Variants in LRRC53 observed in about 807,000 individuals in gnomAD.
LRRC53 encodes leucine-rich repeat-containing protein 53.
LRRC53 carries 25 observed loss-of-function variants against 13.6 expected under a neutral mutation model. The ratio of observed to expected loss-of-function variants is 1.83; its 90% CI spans 1.34 to 2.56. The LOEUF (loss-of-function observed/expected upper bound fraction) is 2.56, where lower values mean the gene tolerates loss of function less well. Ranked by LOEUF, LRRC53 falls within the 30% of genes most tolerant of loss-of-function variation. The pLI is 0.00. For missense variants in LRRC53, 527 were observed against 275.8 expected, an observed-to-expected ratio of 1.91 and a Z score of -6.45; for synonymous variants, 204 against 109.8, an observed-to-expected ratio of 1.86 and a Z score of -5.37.
intron 1 of LRRC53, among the ~76,000 whole-genome samples, chr1:74,489,590 A>G (rs1668945791): frequency 6.6e-6 from 1 of 152,244 alleles, no homozygotes; most frequent in Admixed American, 6.5e-5. Context: ...AATTCTTCAT[A>G]CAGAGATTTG....
chr1:74,489,498 TC>T (rs1462100333), intron 1 of LRRC53, among the ~76,000 whole-genome samples: 1 of 152,204 alleles, frequency 6.6e-6, no homozygotes, highest in Non-Finnish European at 1.5e-5. Context: ...ACAGTCATGC[TC>T]AGCTTAAAAA....
intron 1 of LRRC53, 136 bp from the exon 2 acceptor site, chr1:74,483,511 G>C: frequency 1.9e-6 from 1 of 514,182 alleles, no homozygotes; most frequent in Non-Finnish European, 3.5e-6. Context: ...TAAGATGCCA[G>C]GTAAATAACT....
chr1:74,475,236 G>T, intron 4 of LRRC53, 59 bp downstream of exon 4: 1 of 611,290 alleles, frequency 1.6e-6, no homozygotes, highest in Non-Finnish European at 3.0e-6. Context: ...AAGGAGGGAG[G>T]CTCCCTCCTT....
chr1:74,502,675 A>G (rs573708680), intron 1 of LRRC53, among the ~76,000 whole-genome samples: 1 of 152,324 alleles, frequency 6.6e-6, no homozygotes, highest in Admixed American at 6.5e-5. Flanking sequence ...TCTATGGCCA[A>G]TAGCCTTTGA....
At chr1:74,514,700 A>G (rs1353594325), upstream of LRRC53, among the ~76,000 whole-genome samples, 11 of 152,162 alleles carry the variant, frequency 7.2e-5, no homozygotes, top group African/African-American at 2.7e-4. Context: ...TGCTCTTTTT[A>G]GGACACCATA....
chr1:74,472,854 T>C (rs1468886121), intron 4 of LRRC53, among the ~76,000 whole-genome samples: 1 of 152,130 alleles, frequency 6.6e-6, no homozygotes, highest in African/African-American at 2.4e-5. Flanking sequence ...TTTAATCTTA[T>C]TAATCTTATA....
At chr1:74,529,322 C>T in the LRRC53 span, among the ~76,000 whole-genome samples, 1 of 152,142 alleles carries the variant, frequency 6.6e-6, no homozygotes, top group Admixed American at 6.5e-5. Context: ...TGATACTGCC[C>T]TCCAAAGATG....
rs1334487596 is a variant in LRRC53, at chr1:74,470,494, A to G, written c.3128T>C (p.Val1043Ala). 2.5e-6 allele frequency: 1 copy of G among 400,696 alleles called. No individual in the cohort carries two copies. Among genetic ancestry groups the G allele is most frequent in the Non-Finnish European group, 4.4e-6 (1 of 226,210 alleles). The allele number at this position is 400,696 out of a possible 1,614,324, so 24.8% of individuals were successfully genotyped here. Reference protein sequence around the residue: ...ELPKDISTSPVSSQAVWHLTN... With the variant: ...ELPKDISTSPASSQAVWHLTN... Reference sequence around the variant, plus strand: ...TAGGTGCCAAACGGCTTGACTACTAACAGGAGAAGTACTGATATCCTTGGG... The same window carrying G: ...TAGGTGCCAAACGGCTTGACTACTAGCAGGAGAAGTACTGATATCCTTGGG... Residue 1043 changes from valine (V) to alanine (A), a missense_variant, in exon 5 of 5, where the codon GTT becomes GCT. By Grantham distance (64) the Val-to-Ala change is moderately conservative. Transcript: ENST00000294635.
At chr1:74,476,577 T>G (rs908752941) in intron 3 of LRRC53, among the ~76,000 whole-genome samples, 2 of 152,166 alleles carry the variant, frequency 1.3e-5, no homozygotes, top group African/African-American at 4.8e-5. Context: ...ATTTATTAAA[T>G]ATTCTTAAAT....
intron 3 of LRRC53, among the ~76,000 whole-genome samples, chr1:74,477,104 G>T (rs1442973156): frequency 6.6e-6 from 1 of 152,018 alleles, no homozygotes; most frequent in Admixed American, 6.6e-5. Flanking sequence ...TCCTTTTATT[G>T]ACAGATAGAT....
chr1:74,471,340 T>C lies in LRRC53; in HGVS notation c.2282A>G (p.Lys761Arg), dbSNP rs1667923759. The change falls in exon 5 of 5, where the codon AAA (lysine) becomes AGA (arginine). Residue 761 changes from lysine (K) to arginine (R), a missense_variant. Transcript: ENST00000294635. ...KLSKTSETEA[K>R]INTVCSADFL... ...ATCTGCAGAACACACAGTATTTATT[T>C]TGGCTTCTGTCTCAGAAGTTTTGGA... is the stretch of plus-strand genomic sequence containing the variant. The C allele has an allele frequency of 2.5e-6, 1 of 400,716 alleles. No individual in the cohort carries two copies. The highest frequency in any genetic ancestry group is 4.4e-6 in the Non-Finnish European group (1 of 226,178). The allele number at this position is 400,716 out of a possible 1,614,324, so 24.8% of individuals were successfully genotyped here. A position where few individuals can be genotyped will look rare whatever the true frequency, so the allele number is the denominator to read the frequency against.
In LRRC53 at chr1:74,500,327, C is replaced by A. The variant is rs541297038; in HGVS notation, c.-27+12199G>T. ...TTCTTCTAGTATCATTTTTCTTTTC[C>A]ATAAATGCACCTTTAAAAATTATTT... On this transcript the variant is annotated intron_variant, in intron 1 of 4. Coordinates refer to ENST00000294635, the MANE Select transcript of LRRC53 (RefSeq NM_001382280.1). 4.0e-5 allele frequency among the ~76,000 whole-genome samples: 6 copies of A among 151,724 alleles called. No homozygotes were observed. The East Asian group carries it at 7.7e-4, about 20-fold the overall frequency.
At chr1:74,535,861 T>C in the LRRC53 span, among the ~76,000 whole-genome samples, 1 of 152,120 alleles carries the variant, frequency 6.6e-6, no homozygotes, top group East Asian at 1.9e-4. Flanking sequence ...CCCTTCTTAC[T>C]TACAAAGCAG....
At chr1:74,502,660 C>G (rs1254331266) in intron 1 of LRRC53, among the ~76,000 whole-genome samples, 1 of 152,186 alleles carries the variant, frequency 6.6e-6, no homozygotes, top group Non-Finnish European at 1.5e-5. Flanking sequence ...ACATACTTCC[C>G]TCTGTCTATG....
intron 1 of LRRC53, among the ~76,000 whole-genome samples, chr1:74,505,248 C>A (rs1374367721): frequency 6.6e-6 from 1 of 152,196 alleles, no homozygotes; most frequent in East Asian, 1.9e-4. Context: ...TCTGACAGGA[C>A]AAGCACAGGG....
intron 1 of LRRC53, among the ~76,000 whole-genome samples, chr1:74,499,394 G>A (rs1669494185): frequency 6.6e-6 from 1 of 152,230 alleles, no homozygotes; most frequent in Admixed American, 6.5e-5. Context: ...GCTTCCTAAA[G>A]TGCTGAGATT....
In LRRC53 at chr1:74,471,255, C is replaced by T. The variant is rs1350654881; in HGVS notation, c.2367G>A (p.Leu789=). 1 of 400,672 alleles carries T rather than the reference C, an allele frequency of 2.5e-6. No homozygotes were observed. Among genetic ancestry groups the T allele is most frequent in the Non-Finnish European group, 4.4e-6 (1 of 226,182 alleles). The allele number at this position is 400,672 out of a possible 1,614,324, so 24.8% of individuals were successfully genotyped here. The change falls in exon 5 of 5, where the codon CTG becomes CTA. Residue 789 remains leucine, a synonymous_variant. Coordinates refer to ENST00000294635, the MANE Select transcript of LRRC53 (RefSeq NM_001382280.1). ...ATGGGGTCTGCTTTGAGTCATGTTTCAGAGGCAGCCTCTTTGAAGTGAGTC... is the reference window on the plus strand; with the variant it reads ...ATGGGGTCTGCTTTGAGTCATGTTTTAGAGGCAGCCTCTTTGAAGTGAGTC... ...YVRLTSKRLP[L]KHDSKQTPYY...
intron 1 of LRRC53, among the ~76,000 whole-genome samples, chr1:74,496,771 T>C (rs1374817150): frequency 6.6e-6 from 1 of 152,192 alleles, no homozygotes; most frequent in African/African-American, 2.4e-5. Flanking sequence ...TAAAATATTT[T>C]GTGCCTCTAG....
Position 74,480,989 on chromosome 1 carries a change from AC to A in LRRC53, c.89-22del, listed in dbSNP as rs1306919692. The A allele has an allele frequency of 7.2e-6, 5 of 693,932 alleles. No individual in the cohort carries two copies. In the East Asian group the frequency reaches 1.3e-4, roughly 19 times the overall value. The allele number at this position is 693,932 out of a possible 1,614,324, so 43.0% of individuals were successfully genotyped here. A position where few individuals can be genotyped will look rare whatever the true frequency, so the allele number is the denominator to read the frequency against. On this transcript the variant is annotated intron_variant, in intron 2 of 4. Coordinates refer to ENST00000294635, the MANE Select transcript of LRRC53 (RefSeq NM_001382280.1). ...GGCTGCTGTGGGGAAAAAAGCACAGACTAGATGCAGGGTACACATGAGTGGG... is the reference window on the plus strand; with the variant it reads ...GGCTGCTGTGGGGAAAAAAGCACAGATAGATGCAGGGTACACATGAGTGGG...
Sources: gnomAD v4.1 joint callset for allele counts (sites outside exome capture counted in the v4.1 genomes callset) on GRCh38, gnomAD v4.1.1 for gene constraint, MANE v1.5 for transcripts, NCBI Gene and HGNC (gene_info 2026-07-23, HGNC 2026-07-21) for gene names.